CACNA1C: variants seen among roughly 807,000 people sequenced by gnomAD.
The protein encoded by CACNA1C is voltage-dependent L-type calcium channel subunit alpha-1C.
In CACNA1C, 30 loss-of-function variants were observed where a neutral mutation model predicts 229.0. The ratio of observed to expected loss-of-function variants is 0.13; its 90% CI spans 0.10 to 0.18. CACNA1C has a LOEUF of 0.18. CACNA1C is among the 10% of genes least tolerant of loss of function. The probability of loss-of-function intolerance (pLI) is 1.00; values close to 1 mark genes in which losing one functional copy is unlikely to be tolerated. For synonymous variants in CACNA1C, 1,114 were observed against 1,132.5 expected (o/e 0.98, Z 0.33); for missense variants, 1,658 against 2,845.0 (o/e 0.58, Z 9.49).
intron 3 of CACNA1C, among the ~76,000 whole-genome samples, chr12:2,192,381 C>T (rs2097265943): frequency 6.6e-6 from 1 of 152,196 alleles, no homozygotes; most frequent in Admixed American, 6.5e-5. Flanking sequence ...CAGTCCCCAC[C>T]CCTGAGCTCA....
chr12:2,171,637 CA>C (rs1218817570), intron 3 of CACNA1C, among the ~76,000 whole-genome samples: 1 of 152,146 alleles, frequency 6.6e-6, no homozygotes, highest in African/African-American at 2.4e-5. Context: ...GAGTGCCCAT[CA>C]GGAGTTGTAA....
intron 30 of CACNA1C, among the ~76,000 whole-genome samples, chr12:2,634,710 G>C (rs963909882): frequency 1.3e-5 from 2 of 152,096 alleles, no homozygotes; most frequent in Non-Finnish European, 2.9e-5. Flanking sequence ...GAGAACATGA[G>C]GGGATGTTTG....
chr12:2,647,969 AT>A lies in CACNA1C; in HGVS notation c.3913-504del, dbSNP rs759623082. Among the ~76,000 whole-genome samples the A allele has an allele frequency of 3.9e-5, 6 of 151,960 alleles. No individual in the cohort carries two copies. The highest frequency in any genetic ancestry group is 2.1e-4 in the South Asian group (1 of 4,814). ...ATAGTGAGACCCTGTCTCTAAAAAA[AT>A]TAAAATAAAAAATTTAAATTAGCCG... On this transcript the variant is annotated intron_variant, in intron 30 of 46. Transcript: ENST00000399655. The surrounding 1 kb of genome is among the most constrained non-coding windows in gnomAD (Gnocchi z 4.2).
intron 3 of CACNA1C, among the ~76,000 whole-genome samples, chr12:2,203,224 G>A (rs1299039548): frequency 6.6e-6 from 1 of 152,172 alleles, no homozygotes; most frequent in East Asian, 1.9e-4. Context: ...TGTAGGATGG[G>A]ATGTCCGCCT....
intron 3 of CACNA1C, among the ~76,000 whole-genome samples, chr12:2,419,877 C>T (rs1297904002): frequency 1.3e-5 from 2 of 152,160 alleles, no homozygotes. Context: ...ATGGGGGCTT[C>T]ATACCTGTGT....
At chr12:2,033,684 C>T (rs1242906126) in intron 1 of CACNA1C, among the ~76,000 whole-genome samples, 1 of 152,224 alleles carries the variant, frequency 6.6e-6, no homozygotes, top group Admixed American at 6.5e-5. Context: ...CCAGCTCGCT[C>T]TCATTTAAAA....
chr12:1,977,080 A>C (rs1228746831), intron 1 of CACNA1C, among the ~76,000 whole-genome samples: 1 of 152,220 alleles, frequency 6.6e-6, no homozygotes, highest in African/African-American at 2.4e-5. Flanking sequence ...ATAAATTTAC[A>C]CAGAGTTCAC....
At chr12:2,454,005 C>T (rs1207857225) in intron 4 of CACNA1C, among the ~76,000 whole-genome samples, 1 of 152,212 alleles carries the variant, frequency 6.6e-6, no homozygotes, top group East Asian at 1.9e-4. Context: ...TCCACTGCAC[C>T]AGGTTGCCAG....
chr12:2,052,784 C>A (rs1167202924), upstream of CACNA1C, among the ~76,000 whole-genome samples: 1 of 145,602 alleles, frequency 6.9e-6, no homozygotes, highest in East Asian at 2.0e-4. Flanking sequence ...GGGAGGGGGC[C>A]CGACTTCGGG....
At chr12:2,214,690 C>T (rs1289078706) in intron 3 of CACNA1C, among the ~76,000 whole-genome samples, 4 of 151,844 alleles carry the variant, frequency 2.6e-5, no homozygotes, top group African/African-American at 4.8e-5. Flanking sequence ...GGGCCCGGGA[C>T]CCCAGGAGTG....
intron 1 of CACNA1C, among the ~76,000 whole-genome samples, chr12:2,007,145 T>C (rs1353881042): frequency 6.6e-6 from 1 of 152,232 alleles, no homozygotes; most frequent in African/African-American, 2.4e-5. Context: ...CTCACTTGAT[T>C]AGCTGTTCTA....
At position 2,654,180 on chromosome 12, in the gene CACNA1C, C is replaced by T. The variant is rs1386108672; in HGVS notation, c.4140+280C>T. Among the ~76,000 whole-genome samples the T allele has an allele frequency of 6.6e-6, 1 of 152,170 alleles. No homozygotes were observed. Among genetic ancestry groups the T allele is most frequent in the African/African-American group, 2.4e-5 (1 of 41,444 alleles). ...GGTTCTGCTCTTGGTAGAGGAAAGA[C>T]ACTCTCCAGTTATGCAAGGGGCCTC... On this transcript the variant is annotated intron_variant, in intron 33 of 46. Transcript: ENST00000399655. This position sits in a 1 kb window ranked among gnomAD's most constrained non-coding sequence, Gnocchi z 4.4.
chr12:2,677,108 GT>G lies in CACNA1C; in HGVS notation c.4845del (p.Gly1616AlafsTer8). 1 of 1,613,070 alleles carries G rather than the reference GT, an allele frequency of 6.2e-7. No homozygotes were observed. Among genetic ancestry groups the G allele is most frequent in the Non-Finnish European group, 8.5e-7 (1 of 1,179,538 alleles). The part of the protein sequence containing the change: ...VPPAGDDEVT[V>X]GKFYATFLIQ... ...ATACGTCTCAGATGATGAGGTCACC[GT>G]TGGCAAGTTCTACGCCACGTTCCTG... On this transcript the variant is annotated frameshift_variant, in exon 40 of 47. Transcript: ENST00000399655. LOFTEE classifies it high-confidence loss of function. This position sits in a 1 kb window ranked among gnomAD's most constrained non-coding sequence, Gnocchi z 7.4.
chr12:2,227,290 C>T (rs933177296), intron 3 of CACNA1C, among the ~76,000 whole-genome samples: 10 of 152,132 alleles, frequency 6.6e-5, no homozygotes, highest in African/African-American at 2.4e-4. Context: ...AGTGCTGATT[C>T]GGGAATTTAT....
intron 3 of CACNA1C, among the ~76,000 whole-genome samples, chr12:2,350,236 A>G (rs1458239690): frequency 6.6e-6 from 1 of 152,184 alleles, no homozygotes; most frequent in African/African-American, 2.4e-5. Context: ...GGAGTCCCTG[A>G]CTGGACCTTC....
At position 2,566,470 on chromosome 12, in the gene CACNA1C, C is replaced by A. The variant is rs186720824; in HGVS notation, c.1557C>A (p.Ala519=). 91 of 1,596,094 alleles carry A rather than the reference C, an allele frequency of 5.7e-5. No homozygotes were observed. The East Asian group carries it at 1.2e-3, about 22-fold the overall frequency. The part of the protein sequence containing the change: ...WNRFCRRKCR[A]AVKSNVFYWL... ...GGTTCTGCAGAAGGAAGTGCCGCGC[C>A]GCAGTCAAGTCTAATGTCTTCTACT... Residue 519 remains alanine, a synonymous_variant, in exon 12 of 47, where the codon GCC becomes GCA. Coordinates refer to ENST00000399655, the MANE Select transcript of CACNA1C (RefSeq NM_000719.7). The surrounding 1 kb of genome is among the most constrained non-coding windows in gnomAD (Gnocchi z 4.0).
At chr12:2,130,141 A>G (rs577240558) in intron 3 of CACNA1C, among the ~76,000 whole-genome samples, 4 of 146,772 alleles carry the variant, frequency 2.7e-5, no homozygotes, top group Admixed American at 6.9e-5. Context: ...GCATTGCTCT[A>G]TGGTCCGTGT....
chr12:2,179,977 T>C (rs549470060), intron 3 of CACNA1C, among the ~76,000 whole-genome samples: 1 of 152,376 alleles, frequency 6.6e-6, no homozygotes, highest in African/African-American at 2.4e-5. Context: ...TTTCTGAGCT[T>C]GGTCCTCAAG....
At chr12:2,483,434 G>A (rs899709577) in intron 5 of CACNA1C, among the ~76,000 whole-genome samples, 2 of 152,202 alleles carry the variant, frequency 1.3e-5, no homozygotes, top group African/African-American at 4.8e-5. Flanking sequence ...GGGACAGAGA[G>A]GAGGAAAACG....
Sources: gnomAD v4.1 joint callset for allele counts (sites outside exome capture counted in the v4.1 genomes callset) on GRCh38, gnomAD v4.1.1 for gene constraint, Gnocchi (gnomAD v3.1) non-coding constraint, MANE v1.5 for transcripts, NCBI Gene and HGNC (gene_info 2026-07-23, HGNC 2026-07-21) for gene names.